Variants in GABRB3 observed in about 807,000 individuals in gnomAD.
GABRB3 encodes the protein gamma-aminobutyric acid type A receptor subunit beta3, also known as gamma-aminobutyric acid receptor subunit beta-3.
Under a neutral mutation model 52.1 loss-of-function variants are expected in GABRB3, and 14 were observed. The observed-to-expected ratio is 0.27, with a 90% CI of 0.18 to 0.42. The LOEUF is 0.42. GABRB3 is among the 10% of genes least tolerant of loss of function. The pLI is 1.00. For synonymous variants in GABRB3, 260 were observed against 232.3 expected (o/e 1.12, Z -1.08); for missense variants, 307 against 609.1 (o/e 0.50, Z 5.22).
At chr15:26,583,959 G>A (rs1224948376) in intron 4 of GABRB3, among the ~76,000 whole-genome samples, 1 of 151,886 alleles carries the variant, frequency 6.6e-6, no homozygotes, top group Non-Finnish European at 1.5e-5. Flanking sequence ...GTATTTTTTA[G>A]TACAGACGGG....
In GABRB3 at chr15:26,772,966, T is replaced by C; in HGVS notation, c.-4A>G. The stretch of plus-strand genomic sequence containing the variant: ...TTCCTCCCGCAAGGCCCCACATCCC[T>C]CCGCCGCGCCCCGGCACGGGGGAGG... On this transcript the variant is annotated 5_prime_UTR_variant, in exon 1 of 9. Coordinates refer to ENST00000311550, the MANE Select transcript of GABRB3 (RefSeq NM_000814.6). The C allele has an allele frequency of 1.4e-6, 2 of 1,419,054 alleles. No individual in the cohort carries two copies. The highest frequency in any genetic ancestry group is 1.4e-5 in the South Asian group (1 of 72,208). The allele number at this position is 1,419,054 out of a possible 1,614,324, so 87.9% of individuals were successfully genotyped here. A position where few individuals can be genotyped will look rare whatever the true frequency, so the allele number is the denominator to read the frequency against.
chr15:26,699,556 TAA>T (rs10592902), intron 3 of GABRB3, among the ~76,000 whole-genome samples: 3,618 of 151,626 alleles, frequency 0.024, 140 homozygotes, highest in African/African-American at 0.083. Flanking sequence ...AAAGTTATTA[TAA>T]GTCTATTCTC....
At chr15:26,620,958 G>T (rs1401886573) in intron 4 of GABRB3, among the ~76,000 whole-genome samples, 1 of 151,936 alleles carries the variant, frequency 6.6e-6, no homozygotes, top group Non-Finnish European at 1.5e-5. Context: ...AGACAGCTTT[G>T]AAAAAAACTT....
chr15:26,554,161 G>C (rs1225476435), intron 8 of GABRB3, among the ~76,000 whole-genome samples: 1 of 21,266 alleles, frequency 4.7e-5, no homozygotes, highest in African/African-American at 1.0e-4. Context: ...TATATATAAA[G>C]TATATATATA....
intron 4 of GABRB3, among the ~76,000 whole-genome samples, chr15:26,589,424 C>G (rs1891110769): frequency 6.6e-6 from 1 of 152,130 alleles, no homozygotes; most frequent in African/African-American, 2.4e-5. Context: ...GTGAATCCAG[C>G]AATGCACACA....
intron 3 of GABRB3, among the ~76,000 whole-genome samples, chr15:26,756,065 T>C (rs1890651178): frequency 6.6e-6 from 1 of 152,194 alleles, no homozygotes; most frequent in Non-Finnish European, 1.5e-5. Flanking sequence ...AGTGTGTAAA[T>C]AATAGTGCAT....
In GABRB3 at chr15:26,750,102, C is replaced by T. The variant is rs1345895908; in HGVS notation, c.240+22300G>A. 2.6e-5 allele frequency: 4 copies of T among 152,180 alleles called. No individual in the cohort carries two copies. In the East Asian group the frequency reaches 7.7e-4, roughly 29 times the overall value. 9.4% of individuals were successfully genotyped at this position (152,180 alleles called of 1,614,324 possible). A position where few individuals can be genotyped will look rare whatever the true frequency, so the allele number is the denominator to read the frequency against. Reference sequence around the variant, plus strand: ...GATTTCTTCTTCCCCTGTGTCTTCACGCCTTTTGATTGTATTCCTGCTTCT... The same window carrying T: ...GATTTCTTCTTCCCCTGTGTCTTCATGCCTTTTGATTGTATTCCTGCTTCT... On this transcript the variant is annotated intron_variant, in intron 3 of 8. Transcript: ENST00000311550.
At chr15:26,568,284 G>GCTTCGGC (rs1890255265) in intron 6 of GABRB3, among the ~76,000 whole-genome samples, 1 of 152,120 alleles carries the variant, frequency 6.6e-6, no homozygotes, top group South Asian at 2.1e-4. Flanking sequence ...GAGGGCTTCT[G>GCTTCGGC]CTTCGGCCAC....
At chr15:26,772,839 C>T (rs1373624173) in intron 1 of GABRB3, 44 bp downstream of exon 1, 3 of 1,459,716 alleles carry the variant, frequency 2.1e-6, no homozygotes, top group Admixed American at 2.4e-5. Context: ...GCCCCGCGCA[C>T]CCCGCGCCCT....
At chr15:26,756,180 A>G (rs373007966) in intron 3 of GABRB3, among the ~76,000 whole-genome samples, 1 of 152,136 alleles carries the variant, frequency 6.6e-6, no homozygotes, top group African/African-American at 2.4e-5. Flanking sequence ...AAAATAATAG[A>G]TATTATTTTG....
intron 4 of GABRB3, among the ~76,000 whole-genome samples, chr15:26,610,195 G>C (rs1482177926): frequency 6.6e-6 from 1 of 152,136 alleles, no homozygotes; most frequent in African/African-American, 2.4e-5. Context: ...TGGTGCAAAA[G>C]TAATTGTGGT....
rs145375093 is a variant in GABRB3 at position 26,765,855 on chromosome 15, T to C, written c.240+6547A>G. ...AAGGTCATGGAAGAAGATAAAGTCC[T>C]GTGAGCCCTTAATGGAGCATCTTTT... On this transcript the variant is annotated intron_variant, in intron 3 of 8. Coordinates refer to ENST00000311550, the MANE Select transcript of GABRB3 (RefSeq NM_000814.6). Among the ~76,000 whole-genome samples, 527 of 152,326 alleles carry C rather than the reference T, an allele frequency of 3.5e-3. 5 individuals are homozygous for C. Among genetic ancestry groups the C allele is most frequent in the African/African-American group, 0.011 (472 of 41,592 alleles).
Position 26,772,713 on chromosome 15 carries a change from C to T in GABRB3, c.140G>A (p.Gly47Asp). ...GTCGGGTCTTAGGCGAATGTCGTAG[C>T]CTTTCAACAGCTTGTCCACCGTCTC... The part of the protein sequence containing the change: ...VKETVDKLLK[G>D]YDIRLRPDFG... Residue 47 changes from glycine to aspartate, a missense_variant, in exon 2 of 9, where the codon GGC becomes GAC. Gly to Asp is a moderately conservative substitution (Grantham distance 94). Transcript: ENST00000311550. The T allele has an allele frequency of 6.3e-7, 1 of 1,579,204 alleles. No homozygotes were observed. Among genetic ancestry groups the T allele is most frequent in the Non-Finnish European group, 8.6e-7 (1 of 1,162,534 alleles).
At chr15:26,722,281 G>C (rs1019510410) in intron 3 of GABRB3, among the ~76,000 whole-genome samples, 1 of 152,176 alleles carries the variant, frequency 6.6e-6, no homozygotes, top group Non-Finnish European at 1.5e-5. Flanking sequence ...ACGAAAGGGA[G>C]GAGACCTGAG....
intron 3 of GABRB3, among the ~76,000 whole-genome samples, chr15:26,640,299 C>T (rs111675693): frequency 0.014 from 2,114 of 152,198 alleles, 50 homozygotes; most frequent in African/African-American, 0.048. Flanking sequence ...AGGCAGATCA[C>T]GAGGTCAGGA....
At chr15:26,585,541 C>A (rs992686297) in intron 4 of GABRB3, among the ~76,000 whole-genome samples, 3 of 152,162 alleles carry the variant, frequency 2.0e-5, no homozygotes, top group Non-Finnish European at 4.4e-5. Context: ...GCAGGTTGAG[C>A]AACATTCTAC....
intron 3 of GABRB3, among the ~76,000 whole-genome samples, chr15:26,642,802 T>C (rs1424729289): frequency 6.6e-6 from 1 of 152,208 alleles, no homozygotes; most frequent in Non-Finnish European, 1.5e-5. Context: ...AACTCAGTTA[T>C]TGTGTTTATC....
intron 3 of GABRB3, among the ~76,000 whole-genome samples, chr15:26,645,170 A>G (rs1595505742): frequency 6.6e-6 from 1 of 152,048 alleles, no homozygotes; most frequent in East Asian, 1.9e-4. Context: ...TGAGCCCAGG[A>G]ATTCCAGGTC....
chr15:26,598,206 GTT>G (rs59896096), intron 4 of GABRB3, among the ~76,000 whole-genome samples: 1 of 149,918 alleles, frequency 6.7e-6, no homozygotes, highest in Non-Finnish European at 1.5e-5. Context: ...TAGATCACAA[GTT>G]TTTTTTTTAA....
Sources: gnomAD v4.1 joint callset for allele counts (sites outside exome capture counted in the v4.1 genomes callset) on GRCh38, gnomAD v4.1.1 for gene constraint, MANE v1.5 for transcripts, NCBI Gene and HGNC (gene_info 2026-07-23, HGNC 2026-07-21) for gene names.